The following DCAF6 variants were observed in gnomAD, a reference collection of about 807,000 sequenced individuals.
DCAF6 encodes DDB1 and CUL4 associated factor 6.
DCAF6 carries 54 observed loss-of-function variants against 125.1 expected under a neutral mutation model. The observed-to-expected ratio is 0.43, with a 90% CI of 0.35 to 0.54. The LOEUF (loss-of-function observed/expected upper bound fraction) is 0.54, where lower values mean the gene tolerates loss of function less well. Among genes scored for constraint, DCAF6 ranks in the 20% least tolerant of loss-of-function variants. The pLI, the probability that DCAF6 is intolerant of heterozygous loss-of-function variation, is 0.01. For synonymous variants in DCAF6, 371 were observed against 390.4 expected (o/e 0.95, Z 0.58); for missense variants, 934 against 1,161.7 (o/e 0.80, Z 2.85).
At chr1:167,919,997 TGA>T in the DCAF6 span, 1 of 1,612,426 alleles carries the variant, frequency 6.2e-7, no homozygotes, top group Non-Finnish European at 8.5e-7. Flanking sequence ...ACGAAAAAGC[TGA>T]GAGGCTCCTG....
the DCAF6 span, among the ~76,000 whole-genome samples, chr1:167,882,589 T>C: frequency 6.6e-6 from 1 of 151,470 alleles, no homozygotes; most frequent in East Asian, 1.9e-4. Flanking sequence ...GGTGTTGACA[T>C]GGCAAGTGGG....
intron 1 of DCAF6, among the ~76,000 whole-genome samples, chr1:167,939,445 A>T (rs1211674602): frequency 6.6e-6 from 1 of 152,050 alleles, no homozygotes; most frequent in Non-Finnish European, 1.5e-5. Context: ...TATTTTTATT[A>T]TTAGATAAAA....
chr1:168,072,294 T>TTAA (rs1693164135), intron 21 of DCAF6, among the ~76,000 whole-genome samples: 27 of 41,012 alleles, frequency 6.6e-4, no homozygotes, highest in African/African-American at 2.0e-3. Flanking sequence ...AGAATCAGTC[T>TTAA]AAAAAAAAAA....
chr1:168,066,200 G>A (rs903252002), intron 19 of DCAF6, among the ~76,000 whole-genome samples, 177 bp from the exon 20 acceptor site: 32 of 152,206 alleles, frequency 2.1e-4, no homozygotes, highest in African/African-American at 7.5e-4. Context: ...TTAAAATTAC[G>A]TTCTAGGATA....
intron 1 of DCAF6, among the ~76,000 whole-genome samples, chr1:167,938,849 C>T (rs958894647): frequency 1.8e-4 from 28 of 152,108 alleles, no homozygotes; most frequent in African/African-American, 6.5e-4. Flanking sequence ...CCCTCCTACT[C>T]CAACTCCCTA....
At chr1:167,878,763 A>G in the DCAF6 span, 1 of 950,300 alleles carries the variant, frequency 1.1e-6, no homozygotes, top group Non-Finnish European at 1.6e-6. Context: ...GTGACACAGA[A>G]GCCTAGTCTC....
chr1:168,057,315 A>G (rs983765613), intron 17 of DCAF6, among the ~76,000 whole-genome samples: 43 of 152,242 alleles, frequency 2.8e-4, no homozygotes, highest in African/African-American at 9.6e-4. Context: ...TACTTTTAAA[A>G]CGGGTTTATA....
At chr1:167,980,055 C>T (rs1375925972) in intron 4 of DCAF6, among the ~76,000 whole-genome samples, 3 of 151,890 alleles carry the variant, frequency 2.0e-5, no homozygotes, top group Non-Finnish European at 4.4e-5. Flanking sequence ...GTGGCATGTG[C>T]CTATAGTCCC....
At chr1:167,975,181 A>C (rs1677962791) in intron 4 of DCAF6, among the ~76,000 whole-genome samples, 166 bp downstream of exon 4, 1 of 152,190 alleles carries the variant, frequency 6.6e-6, no homozygotes, top group African/African-American at 2.4e-5. Context: ...CATTTGAGAA[A>C]ATGTATCTTG....
chr1:167,881,692 A>G, the DCAF6 span, among the ~76,000 whole-genome samples: 2 of 152,232 alleles, frequency 1.3e-5, no homozygotes, highest in African/African-American at 4.8e-5. Flanking sequence ...AACTTTCCAC[A>G]ATCATTTGAG....
chr1:168,058,578 T>A lies in DCAF6; in HGVS notation c.2301-5043T>A, dbSNP rs140206944. Among the ~76,000 whole-genome samples the A allele has an allele frequency of 1.4e-4, 21 of 152,272 alleles. No homozygotes were observed. In the East Asian group the frequency reaches 3.9e-3, roughly 28 times the overall value. On this transcript the variant is annotated intron_variant, in intron 17 of 21. Coordinates refer to ENST00000367840, the MANE Select transcript of DCAF6 (RefSeq NM_001198956.2). ...CCTGATCTGGTTTTTTGTTTGTTTG[T>A]TTGTTTGTTTTGAGATGGAGTCTTG...
At chr1:167,943,775 C>T (rs981539775) in intron 1 of DCAF6, among the ~76,000 whole-genome samples, 2 of 152,152 alleles carry the variant, frequency 1.3e-5, no homozygotes, top group Non-Finnish European at 2.9e-5. Context: ...TCTTTGTGTG[C>T]CTGGTTTGTT....
intron 12 of DCAF6, among the ~76,000 whole-genome samples, chr1:168,026,144 CTTG>C (rs1325846375): frequency 1.3e-5 from 2 of 152,100 alleles, no homozygotes; most frequent in African/African-American, 4.8e-5. Context: ...TCCTTTGTGA[CTTG>C]TTATTTTTCC....
rs562985680 is a variant in DCAF6, at chr1:168,043,110, G to A, written c.1813G>A (p.Val605Met). ...QEESFVPQSS[V>M]QPPEGDSETK... Reference sequence around the variant, plus strand: ...GGAATCTTTCGTCCCACAGAGCTCAGTGCAACCACCAGAAGGAGACAGTGA... The same window carrying A: ...GGAATCTTTCGTCCCACAGAGCTCAATGCAACCACCAGAAGGAGACAGTGA... The change falls in exon 14 of 22, where the codon GTG becomes ATG. Residue 605 changes from valine to methionine, a missense_variant. Around this residue, in one of 5 missense-constraint regions of DCAF6, gnomAD observed 559 missense variants for 635.5 expected, o/e 0.88. Transcript: ENST00000367840. 2 of 1,612,834 alleles carry A rather than the reference G, an allele frequency of 1.2e-6. No individual in the cohort carries two copies. Among genetic ancestry groups the A allele is most frequent in the East Asian group, 2.2e-5 (1 of 44,848 alleles).
chr1:167,989,393 T>C (rs1487141324), intron 5 of DCAF6, among the ~76,000 whole-genome samples: 2 of 152,184 alleles, frequency 1.3e-5, no homozygotes, highest in Admixed American at 6.5e-5. Flanking sequence ...AAGTAGTCTT[T>C]CCTTAGTAAA....
intron 3 of DCAF6, among the ~76,000 whole-genome samples, chr1:167,967,542 A>T (rs1018208101): frequency 6.6e-6 from 1 of 152,146 alleles, no homozygotes; most frequent in African/African-American, 2.4e-5. Context: ...TTAAATGAGA[A>T]ACCTTCTGTT....
At chr1:167,907,569 C>T in the DCAF6 span, among the ~76,000 whole-genome samples, 10 of 152,144 alleles carry the variant, frequency 6.6e-5, no homozygotes, top group Non-Finnish European at 1.0e-4. Flanking sequence ...CATGACCATG[C>T]CTAGTTTCAA....
rs74794756 is a variant in DCAF6, at chr1:168,071,243, T to G, written c.2791+2780T>G. ...TATTGTAACCACTCAACTCTGCCAT[T>G]GTAATGCAAAAACAGCCATAGACCA... On this transcript the variant is annotated intron_variant, in intron 21 of 21. Coordinates refer to ENST00000367840, the MANE Select transcript of DCAF6 (RefSeq NM_001198956.2). Among the ~76,000 whole-genome samples the G allele has an allele frequency of 4.6e-3, 702 of 152,300 alleles. 8 individuals are homozygous for G. The East Asian group carries it at 0.058, about 12-fold the overall frequency.
intron 1 of DCAF6, among the ~76,000 whole-genome samples, chr1:167,938,488 A>G (rs1006838698): frequency 2.6e-5 from 4 of 152,214 alleles, no homozygotes; most frequent in African/African-American, 9.7e-5. Flanking sequence ...AATGAACATC[A>G]TTCTACAAGC....
Sources: gnomAD v4.1 joint callset for allele counts (sites outside exome capture counted in the v4.1 genomes callset) on GRCh38, gnomAD v4.1.1 for gene constraint, gnomAD v4.1.1 regional missense constraint, MANE v1.5 for transcripts, NCBI Gene and HGNC (gene_info 2026-07-23, HGNC 2026-07-21) for gene names.